Variants in CTNNAL1 observed in about 807,000 individuals in gnomAD.
CTNNAL1 encodes the protein alpha-catulin.
CTNNAL1 carries 69 observed loss-of-function variants against 93.6 expected under a neutral mutation model. The observed-to-expected ratio is 0.74, with a 90% CI of 0.61 to 0.90. CTNNAL1 has a LOEUF of 0.90. Among genes scored for constraint, CTNNAL1 ranks in the 40% least tolerant of loss-of-function variants. CTNNAL1 has a pLI of 0.00. For missense variants in CTNNAL1, 836 were observed against 862.0 expected (o/e 0.97, Z 0.38); for synonymous variants, 286 against 305.4 (o/e 0.94, Z 0.66).
intron 15 of CTNNAL1, among the ~76,000 whole-genome samples, chr9:108,944,526 T>G (rs972400493): frequency 6.6e-6 from 1 of 152,170 alleles, no homozygotes; most frequent in East Asian, 1.9e-4. Context: ...TCAGATTAAT[T>G]TTCACTATTC....
chr9:108,979,596 C>T lies in CTNNAL1; in HGVS notation c.901-115G>A, dbSNP rs1831367841. ...AACACTAGCATTTCCTTTTCCCAAG[C>T]TGAGGGGAAATACAGCCACCAATGA... is the stretch of plus-strand genomic sequence containing the variant. On this transcript the variant is annotated intron_variant, in intron 6 of 18. Transcript: ENST00000325551. 12 of 953,252 alleles carry T rather than the reference C, an allele frequency of 1.3e-5. No homozygotes were observed. In the South Asian group the frequency reaches 1.9e-4, roughly 15 times the overall value. The allele number at this position is 953,252 out of a possible 1,614,324, so 59.0% of individuals were successfully genotyped here. A position where few individuals can be genotyped will look rare whatever the true frequency, so the allele number is the denominator to read the frequency against.
chr9:108,973,399 T>C (rs1831172641), intron 8 of CTNNAL1, among the ~76,000 whole-genome samples: 2 of 152,172 alleles, frequency 1.3e-5, no homozygotes, highest in Admixed American at 1.3e-4. Context: ...TTTTATTAAA[T>C]ACCTATATCA....
At chr9:108,972,863 G>GGGGGGGGGGGGA in intron 8 of CTNNAL1, 30 bp from the exon 9 acceptor site, 1 of 231,686 alleles carries the variant, frequency 4.3e-6, no homozygotes, top group Non-Finnish European at 7.1e-6. Context: ...TGGGGGGGTG[G>GGGGGGGGGGGGA]GAGGGTGGAG....
intron 7 of CTNNAL1, among the ~76,000 whole-genome samples, chr9:108,979,010 G>A (rs1831342830): frequency 6.6e-6 from 1 of 152,262 alleles, no homozygotes; most frequent in Middle Eastern, 3.4e-3. Context: ...GAAGAGTAGG[G>A]ACAACAGTGT....
intron 3 of CTNNAL1, 29 bp from the exon 4 acceptor site, chr9:108,990,874 G>A (rs892113359): frequency 2.7e-5 from 43 of 1,601,570 alleles, no homozygotes; most frequent in Non-Finnish European, 3.1e-5. Context: ...TTCATTATTT[G>A]GTGAGAGCTA....
chr9:108,990,967 G>A (rs772254375), intron 3 of CTNNAL1, 122 bp from the exon 4 acceptor site: 45 of 1,153,078 alleles, frequency 3.9e-5, no homozygotes, highest in Middle Eastern at 2.4e-4. Flanking sequence ...AGGAGGAGGA[G>A]CCAGATAGAA....
chr9:108,950,630 G>C (rs2780334), intron 14 of CTNNAL1: 1,453,411 of 1,546,884 alleles, frequency 0.94, 683,240 homozygotes, highest in East Asian at 1. Flanking sequence ...ACGAGCACAG[G>C]ATCCCTCACT....
chr9:108,942,896 G>A lies in CTNNAL1; in HGVS notation c.2140-62C>T, dbSNP rs773282367. The A allele has an allele frequency of 6.2e-6, 10 of 1,608,406 alleles. No individual in the cohort carries two copies. In the East Asian group the frequency reaches 1.1e-4, roughly 18 times the overall value. On this transcript the variant is annotated intron_variant, in intron 18 of 18. Coordinates refer to ENST00000325551, the MANE Select transcript of CTNNAL1 (RefSeq NM_003798.4). ...TCTGAAAAAAAAATTACAAAATTAA[G>A]TAGTAACTATTTTCTTTTAAACCAT...
At chr9:109,005,752 C>T (rs954003223) in intron 1 of CTNNAL1, among the ~76,000 whole-genome samples, 2 of 152,178 alleles carry the variant, frequency 1.3e-5, no homozygotes, top group Non-Finnish European at 2.9e-5. Flanking sequence ...ATTTCATTTA[C>T]ATAAAGTTTT....
At chr9:109,011,396 T>C (rs752745844) in intron 1 of CTNNAL1, among the ~76,000 whole-genome samples, 4 of 152,098 alleles carry the variant, frequency 2.6e-5, no homozygotes, top group Non-Finnish European at 5.9e-5. Flanking sequence ...GCAGGCATTC[T>C]TCCCCTTTGG....
intron 11 of CTNNAL1, among the ~76,000 whole-genome samples, chr9:108,956,808 C>T (rs1830698855): frequency 6.6e-6 from 1 of 151,938 alleles, no homozygotes; most frequent in African/African-American, 2.4e-5. Context: ...ACCTACTAGC[C>T]ACATGTGACT....
At position 108,979,354 on chromosome 9, in the gene CTNNAL1, C is replaced by T; in HGVS notation, c.1028G>A (p.Arg343Lys). ...TDSAYTSHEH[R>K]ERILELSTQA... ...AGTTGACAGTTCCAAGATGCGTTCT[C>T]TGTGCTCATGGCTGGTGTAGGCAGA... The change falls in exon 7 of 19, where the codon AGA (arginine) becomes AAA (lysine). Residue 343 changes from arginine (R) to lysine (K), a missense_variant. Coordinates refer to ENST00000325551, the MANE Select transcript of CTNNAL1 (RefSeq NM_003798.4). 1 of 1,614,176 alleles carries T rather than the reference C, an allele frequency of 6.2e-7. No homozygotes were observed. Among genetic ancestry groups the T allele is most frequent in the Admixed American group, 1.7e-5 (1 of 60,028 alleles).
At chr9:109,000,661 C>T (rs1826775995) in intron 1 of CTNNAL1, among the ~76,000 whole-genome samples, 1 of 139,380 alleles carries the variant, frequency 7.2e-6, no homozygotes, top group South Asian at 2.2e-4. Flanking sequence ...GACCAGCAAA[C>T]ATCAAAGGAT....
chr9:108,992,576 A>C, intron 3 of CTNNAL1, 56 bp downstream of exon 3: 1 of 1,526,878 alleles, frequency 6.5e-7, no homozygotes. Flanking sequence ...AGTCATAAAA[A>C]GCACTTTGAA....
chr9:109,003,568 T>C (rs1488127714), intron 1 of CTNNAL1, among the ~76,000 whole-genome samples: 1 of 152,174 alleles, frequency 6.6e-6, no homozygotes, highest in African/African-American at 2.4e-5. Flanking sequence ...CTGGCAACAT[T>C]TGCCCAGGAG....
intron 1 of CTNNAL1, among the ~76,000 whole-genome samples, chr9:109,008,371 TC>T (rs1184054698): frequency 3.3e-5 from 5 of 151,992 alleles, no homozygotes; most frequent in Non-Finnish European, 7.4e-5. Context: ...GGTCTCAAAC[TC>T]CCGACCTCAG....
At chr9:108,951,258 G>A (rs367795390) in intron 14 of CTNNAL1, among the ~76,000 whole-genome samples, 12 of 149,370 alleles carry the variant, frequency 8.0e-5, no homozygotes, top group African/African-American at 3.0e-4. Flanking sequence ...CTCGTGATCC[G>A]CCCACCTCGG....
chr9:108,969,864 G>A (rs1202451551), intron 10 of CTNNAL1, among the ~76,000 whole-genome samples: 1 of 152,076 alleles, frequency 6.6e-6, no homozygotes, highest in East Asian at 1.9e-4. Context: ...TAGACAGAGG[G>A]TCTTGCTGTG....
chr9:108,977,818 C>T (rs1831307028), intron 7 of CTNNAL1, among the ~76,000 whole-genome samples: 1 of 152,200 alleles, frequency 6.6e-6, no homozygotes. Context: ...CCTCTCAATG[C>T]ATAGTCTACA....
Sources: gnomAD v4.1 joint callset for allele counts (sites outside exome capture counted in the v4.1 genomes callset) on GRCh38, gnomAD v4.1.1 for gene constraint, MANE v1.5 for transcripts, NCBI Gene and HGNC (gene_info 2026-07-23, HGNC 2026-07-21) for gene names.